CES2: variants seen among roughly 807,000 people sequenced by gnomAD.
The protein encoded by CES2 is cocaine esterase.
Under a neutral mutation model 52.1 loss-of-function variants are expected in CES2, and 42 were observed. The ratio of observed to expected loss-of-function variants is 0.81; its 90% CI spans 0.63 to 1.04. CES2 has a LOEUF of 1.04. Among genes scored for constraint, CES2 ranks in the 50% least tolerant of loss-of-function variants. The pLI, the probability that CES2 is intolerant of heterozygous loss-of-function variation, is 0.00. For synonymous variants in CES2, 277 were observed against 289.6 expected, an observed-to-expected ratio of 0.96 and a Z score of 0.44; for missense variants, 656 against 724.3, an observed-to-expected ratio of 0.91 and a Z score of 1.08.
At chr16:66,939,105 T>C in intron 2 of CES2, 112 bp from the exon 3 acceptor site, 1 of 864,522 alleles carries the variant, frequency 1.2e-6, no homozygotes. Flanking sequence ...GGATCATGTG[T>C]GAGCAGGATA....
Position 66,940,459 on chromosome 16 carries a change from G to A in CES2, c.580G>A (p.Gly194Ser), listed in dbSNP as rs747038619. 28 of 1,614,184 alleles carry A rather than the reference G, an allele frequency of 1.7e-5. No homozygotes were observed. The highest frequency in any genetic ancestry group is 1.2e-4 in the South Asian group (11 of 91,084). ...FFSTGDKHAT[G>S]NWGYLDQVAA... ...CAGCACTGGAGACAAGCACGCAACC[G>A]GCAACTGGGGCTACCTGGACCAAGT... The change falls in exon 5 of 12, where the codon GGC (glycine) becomes AGC (serine). Residue 194 changes from glycine (G) to serine (S), a missense_variant. Physicochemically the swap from Gly to Ser is moderately conservative, Grantham distance 56. Transcript: ENST00000317091.
At chr16:66,941,880 A>G in intron 8 of CES2, 32 bp downstream of exon 8, 1 of 1,613,436 alleles carries the variant, frequency 6.2e-7, no homozygotes, top group Non-Finnish European at 8.5e-7. Context: ...GCCAATGGAG[A>G]CGGGCTCCTC....
intron 1 of CES2, among the ~76,000 whole-genome samples, 160 bp from the exon 2 acceptor site, chr16:66,937,877 C>T (rs28382814): frequency 0.023 from 3,461 of 152,208 alleles, 61 homozygotes; most frequent in Non-Finnish European, 0.038. Flanking sequence ...GAAGCCAGAG[C>T]GGGAAGGGAG....
chr16:66,941,787 C>A lies in CES2; in HGVS notation c.1076C>A (p.Thr359Asn), dbSNP rs769299857. ...ATCCAGGTCATGAGGATCTATGATA[C>A]CCAGAAGGAAATGGACAGAGAGGCC... ...LIPKVMRIYD[T>N]QKEMDREASQ... The change falls in exon 8 of 12, where the codon ACC becomes AAC. Residue 359 changes from threonine (T) to asparagine (N), a missense_variant. Thr to Asn is a moderately conservative substitution (Grantham distance 65, BLOSUM62 0). Coordinates refer to ENST00000317091, the MANE Select transcript of CES2 (RefSeq NM_001365405.1). The A allele has an allele frequency of 6.2e-7, 1 of 1,614,136 alleles. No individual in the cohort carries two copies. The highest frequency in any genetic ancestry group is 1.1e-5 in the South Asian group (1 of 91,088).
rs542653333 is a variant in CES2 at position 66,937,984 on chromosome 16, G to T, written c.77-53G>T. 3 of 1,449,712 alleles carry T rather than the reference G, an allele frequency of 2.1e-6. No homozygotes were observed. The South Asian group carries it at 3.5e-5, about 17-fold the overall frequency. The allele number at this position is 1,449,712 out of a possible 1,614,324, so 89.8% of individuals were successfully genotyped here. A position where few individuals can be genotyped will look rare whatever the true frequency, so the allele number is the denominator to read the frequency against. On this transcript the variant is annotated intron_variant, in intron 1 of 11. Transcript: ENST00000317091. ...AGGAAGCAGCAATACCAACAGTTGGGAGGGCAGTCGATTGGTCAAACCCAA... is the reference window on the plus strand; with the variant it reads ...AGGAAGCAGCAATACCAACAGTTGGTAGGGCAGTCGATTGGTCAAACCCAA...
chr16:66,935,547 C>G lies in CES2; in HGVS notation c.-89C>G, dbSNP rs772723232. 3 of 1,614,130 alleles carry G rather than the reference C, an allele frequency of 1.9e-6. No homozygotes were observed. The highest frequency in any genetic ancestry group is 2.5e-6 in the Non-Finnish European group (3 of 1,180,052). On this transcript the variant is annotated 5_prime_UTR_variant, in exon 1 of 12. Coordinates refer to ENST00000317091, the MANE Select transcript of CES2 (RefSeq NM_001365405.1). ...GTCCAAACTCCAAGGCTGGGCAAGG[C>G]ACTGATCCACTGCTGGACAGACCCG...
At position 66,939,310 on chromosome 16, in the gene CES2, C is replaced by T. The variant is rs768585371; in HGVS notation, c.375C>T (p.Tyr125=). 1.9e-6 allele frequency: 3 copies of T among 1,614,154 alleles called. No homozygotes were observed. In the African/African-American group the frequency reaches 4.0e-5, roughly 22 times the overall value. The stretch of plus-strand genomic sequence containing the variant: ...ACTCCATGTCTGAGGACTGCCTGTA[C>T]CTCAGCATCTACACGCCGGCCCATA... ...PSDSMSEDCL[Y]LSIYTPAHSH... is the part of the protein sequence containing the mutation. The change falls in exon 3 of 12, where the codon TAC becomes TAT. Residue 125 remains tyrosine, a synonymous_variant. Transcript: ENST00000317091.
chr16:66,941,030 G>A, intron 5 of CES2, 94 bp from the exon 6 acceptor site: 1 of 1,547,184 alleles, frequency 6.5e-7, no homozygotes, highest in Non-Finnish European at 8.8e-7. Context: ...TACCCTCTGA[G>A]ATTTGGGGTA....
chr16:66,935,769 A>T, intron 1 of CES2, 58 bp downstream of exon 1: 1 of 1,598,012 alleles, frequency 6.3e-7, no homozygotes, highest in Non-Finnish European at 8.5e-7. Context: ...AATGCTGCGG[A>T]GGCAGAACCT....
In CES2 at chr16:66,943,960, A is replaced by C. The variant is rs1963426735; in HGVS notation, c.1615A>C (p.Lys539Gln). The C allele has an allele frequency of 1.2e-6, 2 of 1,604,816 alleles. No homozygotes were observed. The highest frequency in any genetic ancestry group is 1.3e-5 in the African/African-American group (1 of 74,770). ...GAAGGCCCACAGGCTCCAGTTCTGGAAGAAGGCGCTGCCCCAAAAGATCCA... is the reference window on the plus strand; with the variant it reads ...GAAGGCCCACAGGCTCCAGTTCTGGCAGAAGGCGCTGCCCCAAAAGATCCA... ...ALKAHRLQFWKKALPQKIQEL... is the reference protein window; with the variant it reads ...ALKAHRLQFWQKALPQKIQEL... Residue 539 changes from lysine to glutamine, a missense_variant, in exon 12 of 12, where the codon AAG (lysine) becomes CAG (glutamine). Lys to Gln is a moderately conservative substitution (Grantham distance 53). Coordinates refer to ENST00000317091, the MANE Select transcript of CES2 (RefSeq NM_001365405.1). This position sits in a 1 kb window ranked among gnomAD's most constrained non-coding sequence, Gnocchi z 4.2.
In CES2 at chr16:66,939,230, C is replaced by G. The variant is rs371283520; in HGVS notation, c.295C>G (p.Leu99Val). 6.8e-6 allele frequency: 11 copies of G among 1,613,494 alleles called. No individual in the cohort carries two copies. The highest frequency in any genetic ancestry group is 8.5e-6 in the Non-Finnish European group (10 of 1,179,672). Residue 99 changes from leucine to valine, a missense_variant, in exon 3 of 12, where the codon CTC (leucine) becomes GTC (valine). Physicochemically the swap from Leu to Val is conservative, Grantham distance 32. Transcript: ENST00000317091. Reference protein sequence around the residue: ...TTHPAMCLQDLTAVESEFLSQ... With the variant: ...TTHPAMCLQDVTAVESEFLSQ... Reference sequence around the variant, plus strand: ...CCTGGTTACCAGGTGTCTACAGGACCTCACCGCAGTGGAGTCAGAGTTTCT... The same window carrying G: ...CCTGGTTACCAGGTGTCTACAGGACGTCACCGCAGTGGAGTCAGAGTTTCT...
Position 66,942,172 on chromosome 16 carries a change from C to T in CES2, c.1205C>T (p.Thr402Ile). The part of the protein sequence containing the change: ...EYIGDNGDPQ[T>I]LQAQFQEMMA... Reference sequence around the variant, plus strand: ...ATTGGGGACAATGGGGATCCCCAGACCCTCCAAGCGCAGTTCCAGGAGATG... The same window carrying T: ...ATTGGGGACAATGGGGATCCCCAGATCCTCCAAGCGCAGTTCCAGGAGATG... The change falls in exon 9 of 12, where the codon ACC becomes ATC. Residue 402 changes from threonine to isoleucine, a missense_variant. Coordinates refer to ENST00000317091, the MANE Select transcript of CES2 (RefSeq NM_001365405.1). The T allele has an allele frequency of 1.9e-6, 3 of 1,613,912 alleles. No homozygotes were observed. The highest frequency in any genetic ancestry group is 2.5e-6 in the Non-Finnish European group (3 of 1,179,852).
chr16:66,940,406 C>T (rs1174862726), intron 4 of CES2, 31 bp from the exon 5 acceptor site: 2 of 1,613,816 alleles, frequency 1.2e-6, no homozygotes, highest in East Asian at 2.2e-5. Flanking sequence ...GCCAGGACAG[C>T]CCTGTGATCC....
At chr16:66,936,737 C>G (rs896490802) in intron 1 of CES2, among the ~76,000 whole-genome samples, 1 of 152,068 alleles carries the variant, frequency 6.6e-6, no homozygotes, top group African/African-American at 2.4e-5. Flanking sequence ...CAACCCTTCC[C>G]CAATTTAATT....
Position 66,943,959 on chromosome 16 carries a change from G to C in CES2, c.1614G>C (p.Trp538Cys). Reference sequence around the variant, plus strand: ...TGAAGGCCCACAGGCTCCAGTTCTGGAAGAAGGCGCTGCCCCAAAAGATCC... The same window carrying C: ...TGAAGGCCCACAGGCTCCAGTTCTGCAAGAAGGCGCTGCCCCAAAAGATCC... ...RALKAHRLQF[W>C]KKALPQKIQE... is the part of the protein sequence containing the mutation. Residue 538 changes from tryptophan (W) to cysteine (C), a missense_variant, in exon 12 of 12, where the codon TGG becomes TGC. By Grantham distance (215) the Trp-to-Cys change is radical. Coordinates refer to ENST00000317091, the MANE Select transcript of CES2 (RefSeq NM_001365405.1). This position sits in a 1 kb window ranked among gnomAD's most constrained non-coding sequence, Gnocchi z 4.2. 1 of 1,604,812 alleles carries C rather than the reference G, an allele frequency of 6.2e-7. No homozygotes were observed. The highest frequency in any genetic ancestry group is 1.3e-5 in the African/African-American group (1 of 74,900).
At chr16:66,939,534 GT>G (rs1197486288) in intron 3 of CES2, among the ~76,000 whole-genome samples, 176 bp downstream of exon 3, 1 of 152,236 alleles carries the variant, frequency 6.6e-6, no homozygotes, top group Non-Finnish European at 1.5e-5. Flanking sequence ...TGGACATGGG[GT>G]CACAGAGTTC....
intron 7 of CES2, 45 bp from the exon 8 acceptor site, chr16:66,941,723 A>G (rs371604961): frequency 1.2e-6 from 2 of 1,613,780 alleles, no homozygotes; most frequent in African/African-American, 2.7e-5. Context: ...TCATAGCTCC[A>G]GGCTCATCCC....
intron 2 of CES2, 32 bp from the exon 3 acceptor site, chr16:66,939,185 C>T (rs372746048): frequency 1.2e-6 from 2 of 1,609,940 alleles, no homozygotes; most frequent in East Asian, 4.5e-5. Context: ...CACAGCCTGG[C>T]CCCTGGACTG....
Position 66,935,553 on chromosome 16 carries a change from TC to T in CES2, c.-81del. On this transcript the variant is annotated 5_prime_UTR_variant, in exon 1 of 12. Transcript: ENST00000317091. ...ACTCCAAGGCTGGGCAAGGCACTGA[TC>T]CACTGCTGGACAGACCCGGGGCAGC... 1.2e-6 allele frequency: 2 copies of T among 1,614,058 alleles called. No homozygotes were observed. Among genetic ancestry groups the T allele is most frequent in the South Asian group, 1.1e-5 (1 of 91,092 alleles).
Sources: allele counts gnomAD v4.1 joint callset (sites outside exome capture counted in the v4.1 genomes callset), GRCh38; gene constraint gnomAD v4.1.1; non-coding constraint Gnocchi (gnomAD v3.1); transcripts MANE v1.5; gene names NCBI Gene and HGNC (gene_info 2026-07-23, HGNC 2026-07-21).